Variants in PIN4 observed in about 807,000 individuals in gnomAD.
The protein encoded by PIN4 is peptidylprolyl cis/trans isomerase, NIMA-interacting 4.
In PIN4, 3 loss-of-function variants were observed where a neutral mutation model predicts 8.3. The ratio of observed to expected loss-of-function variants is 0.36; its 90% confidence interval spans 0.16 to 0.93. PIN4 has a LOEUF of 0.93. Among genes scored for constraint, PIN4 ranks in the 40% least tolerant of loss-of-function variants. PIN4 has a pLI of 0.44. For missense variants in PIN4, 75 were observed against 100.6 expected (o/e 0.75, Z 1.09); for synonymous variants, 18 against 32.5 (o/e 0.55, Z 1.52).
chrX:72,234,139 G>A (rs889743800), intron 3 of PIN4, among the ~76,000 whole-genome samples: 2 of 111,787 alleles, frequency 1.8e-5, no homozygotes, highest in African/African-American at 6.5e-5. Flanking sequence ...TTCTTTTTAA[G>A]GAATATATAC....
At position 72,262,679 on chromosome X, in the gene PIN4, A is replaced by G. The variant is rs1482156584; in HGVS notation, c.313-28A>G. On this transcript the variant is annotated intron_variant, in intron 3 of 3. Transcript: ENST00000423432. ...CTAGCAATCAGGTTACAATTGATTG[A>G]CATTATCACTTTCTTTATGTTTGGC... is the stretch of plus-strand genomic sequence containing the variant. 2.9e-6 allele frequency: 3 copies of G among 1,018,751 alleles called. No homozygotes were observed. In the African/African-American group the frequency reaches 5.6e-5, roughly 19 times the overall value. 84.0% of individuals were successfully genotyped at this position (1,018,751 alleles called of 1,213,427 possible). A position where few individuals can be genotyped will look rare whatever the true frequency, so the allele number is the denominator to read the frequency against.
At chrX:72,236,910 G>A (rs2147607637) in intron 3 of PIN4, among the ~76,000 whole-genome samples, 1 of 112,337 alleles carries the variant, frequency 8.9e-6, no homozygotes, top group East Asian at 2.8e-4. Context: ...AAGTGTATCT[G>A]TAGAAGAAAA....
intron 3 of PIN4, among the ~76,000 whole-genome samples, chrX:72,258,472 G>T (rs754956360): frequency 4.5e-5 from 5 of 111,830 alleles, no homozygotes; most frequent in Non-Finnish European, 7.5e-5. Context: ...AAAAGGCCTC[G>T]TGAACCATCT....
chrX:72,236,860 T>G (rs757557147), intron 3 of PIN4, among the ~76,000 whole-genome samples: 1 of 112,405 alleles, frequency 8.9e-6, no homozygotes, highest in South Asian at 3.7e-4. Context: ...AGTGAGGACT[T>G]ACTGTATACA....
intron 3 of PIN4, among the ~76,000 whole-genome samples, chrX:72,240,817 T>C (rs5958818): frequency 8.0e-5 from 8 of 100,102 alleles, no homozygotes; most frequent in African/African-American, 1.9e-4. Context: ...AGAAAAGGGT[T>C]GGGGGGAGGT....
At chrX:72,214,034 T>A (rs2042873178) in intron 3 of PIN4, among the ~76,000 whole-genome samples, 2 of 112,434 alleles carry the variant, frequency 1.8e-5, no homozygotes, top group Admixed American at 1.9e-4. Context: ...AGATGTCTTT[T>A]GATTCTCCAT....
chrX:72,208,273 A>G (rs1318679855), intron 3 of PIN4: 1 of 1,211,883 alleles, frequency 8.3e-7, no homozygotes, highest in Non-Finnish European at 1.1e-6. Context: ...AGTCCACTTG[A>G]TGAATTCTTT....
intron 3 of PIN4, among the ~76,000 whole-genome samples, chrX:72,235,069 C>T (rs1274219805): frequency 1.8e-5 from 2 of 111,984 alleles, no homozygotes; most frequent in African/African-American, 6.5e-5. Flanking sequence ...GTATTAGTTT[C>T]CTATTGCTGC....
chrX:72,223,916 A>C (rs1443322332), intron 3 of PIN4, among the ~76,000 whole-genome samples: 2 of 111,181 alleles, frequency 1.8e-5, no homozygotes, highest in African/African-American at 3.3e-5. Flanking sequence ...AACCGTGCCC[A>C]ACTTGTGGTC....
At chrX:72,215,832 C>T (rs909302984) in intron 3 of PIN4, among the ~76,000 whole-genome samples, 2 of 110,640 alleles carry the variant, frequency 1.8e-5, no homozygotes, top group African/African-American at 6.6e-5. Flanking sequence ...GAAGTTTTCC[C>T]TCCCGCTTGG....
intron 3 of PIN4, among the ~76,000 whole-genome samples, chrX:72,214,431 T>C (rs899012384): frequency 9.0e-6 from 1 of 111,661 alleles, no homozygotes; most frequent in East Asian, 2.8e-4. Flanking sequence ...CCCAGCACTT[T>C]GGGAGGCCGA....
At chrX:72,242,698 C>T (rs947826690) in intron 3 of PIN4, among the ~76,000 whole-genome samples, 1 of 112,699 alleles carries the variant, frequency 8.9e-6, no homozygotes, top group Admixed American at 9.4e-5. Flanking sequence ...ATTCCCCCAG[C>T]GTCTCTCAAG....
chrX:72,242,833 G>C (rs2043054074), intron 3 of PIN4, among the ~76,000 whole-genome samples: 1 of 111,276 alleles, frequency 9.0e-6, no homozygotes, highest in Non-Finnish European at 1.9e-5. Flanking sequence ...GACCAACATG[G>C]TGAAACCCCG....
At chrX:72,261,777 A>G (rs1448754097) in intron 3 of PIN4, among the ~76,000 whole-genome samples, 1 of 109,282 alleles carries the variant, frequency 9.2e-6, no homozygotes. Flanking sequence ...ATATTGTATT[A>G]TAAGTTATTA....
At chrX:72,219,847 C>CAAA (rs55860938) in intron 3 of PIN4, among the ~76,000 whole-genome samples, 1 of 65,000 alleles carries the variant, frequency 1.5e-5, no homozygotes, top group African/African-American at 5.2e-5. Flanking sequence ...GACTCCGTCT[C>CAAA]AAAAAAAAAA....
chrX:72,255,302 A>G (rs1055881998), intron 3 of PIN4, among the ~76,000 whole-genome samples: 6 of 106,210 alleles, frequency 5.6e-5, no homozygotes, highest in Non-Finnish European at 1.9e-5. Context: ...AATAATAATA[A>G]TAGTAATAAT....
At chrX:72,248,829 A>T (rs1030685390) in intron 3 of PIN4, among the ~76,000 whole-genome samples, 14 of 110,284 alleles carry the variant, frequency 1.3e-4, no homozygotes, top group African/African-American at 2.0e-4. Flanking sequence ...GTGAACTGAG[A>T]TTGCGCCACT....
intron 3 of PIN4, among the ~76,000 whole-genome samples, chrX:72,203,540 A>C (rs1331368011): frequency 1.8e-5 from 2 of 111,654 alleles, no homozygotes; most frequent in Non-Finnish European, 3.8e-5. Flanking sequence ...ATCGTAGGAC[A>C]CCAGTTCAAT....
chrX:72,232,273 T>TAA (rs56070381), intron 3 of PIN4, among the ~76,000 whole-genome samples: 14 of 61,419 alleles, frequency 2.3e-4, no homozygotes, highest in Non-Finnish European at 3.4e-4. Context: ...GAAGGAGTAT[T>TAA]AAAAAAAAAA....
Sources: gnomAD v4.1 joint callset for allele counts (sites outside exome capture counted in the v4.1 genomes callset) on GRCh38, gnomAD v4.1.1 for gene constraint, MANE v1.5 for transcripts, NCBI Gene and HGNC (gene_info 2026-07-23, HGNC 2026-07-21) for gene names.